RBMS2: variants seen among roughly 807,000 people sequenced by gnomAD.
RBMS2 encodes RNA-binding motif, single-stranded-interacting protein 2.
Under a neutral mutation model 58.4 loss-of-function variants are expected in RBMS2, and 38 were observed. That is an observed-to-expected ratio of 0.65 (90% CI 0.50 to 0.85). The LOEUF is 0.85. Ranked by LOEUF, RBMS2 falls within the 40% of genes least tolerant of loss-of-function variation. The pLI is 0.00. For synonymous variants in RBMS2, 151 were observed against 180.7 expected (o/e 0.84, Z 1.32); for missense variants, 367 against 503.7 (o/e 0.73, Z 2.60).
At chr12:56,569,752 G>C (rs557964687) in intron 3 of RBMS2, 147 bp from the exon 4 acceptor site, 1 of 709,050 alleles carries the variant, frequency 1.4e-6, no homozygotes, top group African/African-American at 1.8e-5. Context: ...GGAGCATGTG[G>C]ATAACTACCT....
At chr12:56,551,565 G>T (rs575120835) in intron 1 of RBMS2, among the ~76,000 whole-genome samples, 1 of 152,260 alleles carries the variant, frequency 6.6e-6, no homozygotes, top group South Asian at 2.1e-4. Context: ...GAAATGACAT[G>T]ATCACATATA....
At chr12:56,568,335 A>G (rs1339506642) in intron 2 of RBMS2, among the ~76,000 whole-genome samples, 2 of 152,194 alleles carry the variant, frequency 1.3e-5, no homozygotes, top group South Asian at 2.1e-4. Context: ...CTCTGCCTCT[A>G]CACACTCTTT....
chr12:56,569,152 T>G, intron 3 of RBMS2, 119 bp downstream of exon 3: 1 of 883,568 alleles, frequency 1.1e-6, no homozygotes, highest in Non-Finnish European at 1.8e-6. Flanking sequence ...CCCTGAAGTT[T>G]TTAGGCTTAA....
Position 56,587,267 on chromosome 12 carries a change from C to CA in RBMS2, c.952-273dup, listed in dbSNP as rs1237199645. ...GGGCAATAAGAGTGAAACTCCGTCT[C>CA]AAAAAAAAAAAAAAGGCCTTTGATG... On this transcript the variant is annotated intron_variant, in intron 10 of 13. Transcript: ENST00000262031. 7.7e-3 allele frequency among the ~76,000 whole-genome samples: 926 copies of CA among 119,996 alleles called. 12 individuals are homozygous for CA. Among genetic ancestry groups the CA allele is most frequent in the African/African-American group, 0.022 (713 of 32,622 alleles). The allele number at this position is 119,996 out of a possible 152,430, so 78.7% of individuals were successfully genotyped here.
upstream of RBMS2, among the ~76,000 whole-genome samples, chr12:56,520,955 T>C (rs1171845953): frequency 6.6e-6 from 1 of 152,220 alleles, no homozygotes; most frequent in African/African-American, 2.4e-5. Flanking sequence ...AGTCTGATAA[T>C]TCCTTCTTAA....
chr12:56,536,644 TG>T (rs1193829855), intron 1 of RBMS2, among the ~76,000 whole-genome samples: 1 of 151,554 alleles, frequency 6.6e-6, no homozygotes, highest in African/African-American at 2.4e-5. Flanking sequence ...CTTGGCTCAC[TG>T]CAACCTCCAC....
At chr12:56,587,780 G>T in intron 11 of RBMS2, 116 bp downstream of exon 11, 1 of 1,373,164 alleles carries the variant, frequency 7.3e-7, no homozygotes. Context: ...TGTCATCCGG[G>T]GCACACTCAG....
At chr12:56,569,227 G>A (rs979252798) in intron 3 of RBMS2, among the ~76,000 whole-genome samples, 194 bp downstream of exon 3, 1 of 152,200 alleles carries the variant, frequency 6.6e-6, no homozygotes, top group Non-Finnish European at 1.5e-5. Context: ...CTGTTTAGGG[G>A]CCCCAAGGCC....
chr12:56,554,463 A>G (rs1451111204), intron 1 of RBMS2, among the ~76,000 whole-genome samples: 1 of 152,196 alleles, frequency 6.6e-6, no homozygotes, highest in Admixed American at 6.6e-5. Flanking sequence ...GGAAGCCATT[A>G]TCCCCAGCTA....
intron 5 of RBMS2, among the ~76,000 whole-genome samples, chr12:56,572,562 A>C (rs1882484284): frequency 6.6e-6 from 1 of 152,090 alleles, no homozygotes. Flanking sequence ...CAGAGTAAAA[A>C]ATTCTGTATA....
intron 1 of RBMS2, among the ~76,000 whole-genome samples, chr12:56,549,334 T>A (rs920182521): frequency 6.6e-6 from 1 of 152,068 alleles, no homozygotes; most frequent in Admixed American, 6.6e-5. Context: ...TTACTTATAC[T>A]AGATTATAAT....
chr12:56,567,506 T>C (rs953692818), intron 2 of RBMS2, among the ~76,000 whole-genome samples: 1 of 152,022 alleles, frequency 6.6e-6, no homozygotes, highest in Non-Finnish European at 1.5e-5. Flanking sequence ...CCCTTTGGCC[T>C]TATCACCAAA....
intron 1 of RBMS2, among the ~76,000 whole-genome samples, chr12:56,561,287 G>A (rs1880341780): frequency 6.6e-6 from 1 of 152,142 alleles, no homozygotes; most frequent in Admixed American, 6.6e-5. Context: ...ACACAGCAAT[G>A]GGATTGCTGG....
At chr12:56,588,111 A>T (rs895505901) in intron 11 of RBMS2, among the ~76,000 whole-genome samples, 183 bp from the exon 12 acceptor site, 4 of 152,272 alleles carry the variant, frequency 2.6e-5, no homozygotes, top group Middle Eastern at 3.4e-3. Context: ...ATATAGGGAG[A>T]CGTCTCCCTA....
intron 2 of RBMS2, among the ~76,000 whole-genome samples, chr12:56,563,849 G>A (rs1444001361): frequency 6.6e-6 from 1 of 152,032 alleles, no homozygotes; most frequent in Non-Finnish European, 1.5e-5. Context: ...TTGCTAGAAA[G>A]GTATGTAAGT....
rs1445768411 is a variant in RBMS2 at position 56,546,467 on chromosome 12, ATG to A, written c.67-15948_67-15947del. Among the ~76,000 whole-genome samples, 9 of 143,242 alleles carry A rather than the reference ATG, an allele frequency of 6.3e-5. No homozygotes were observed. In the East Asian group the frequency reaches 1.8e-3, roughly 29 times the overall value. 94.0% of individuals were successfully genotyped at this position (143,242 alleles called of 152,430 possible). On this transcript the variant is annotated intron_variant, in intron 1 of 13. Coordinates refer to ENST00000262031, the MANE Select transcript of RBMS2 (RefSeq NM_002898.4). ...TGTATAATAAAATAATATAAAATAAATGTATATTATATTTTATATACAAAAAA... is the reference window on the plus strand; with the variant it reads ...TGTATAATAAAATAATATAAAATAAATATATTATATTTTATATACAAAAAA...
intron 5 of RBMS2, 59 bp from the exon 6 acceptor site, chr12:56,581,125 A>G: frequency 5.1e-6 from 7 of 1,372,218 alleles, no homozygotes; most frequent in Admixed American, 1.7e-5. Flanking sequence ...TTCTCTTTCA[A>G]TGTGTGGAGA....
intron 2 of RBMS2, among the ~76,000 whole-genome samples, chr12:56,564,593 C>T (rs576975248): frequency 2.2e-4 from 34 of 152,248 alleles, no homozygotes; most frequent in African/African-American, 4.1e-4. Context: ...CAAACTTATG[C>T]GCTCAATCAT....
intron 6 of RBMS2, 40 bp from the exon 7 acceptor site, chr12:56,581,359 A>G (rs767582411): frequency 1.4e-5 from 22 of 1,601,896 alleles, no homozygotes; most frequent in Non-Finnish European, 1.9e-5. Flanking sequence ...GGGCCACATG[A>G]GGTGGGACTC....
Sources: allele counts gnomAD v4.1 joint callset (sites outside exome capture counted in the v4.1 genomes callset), GRCh38; gene constraint gnomAD v4.1.1; transcripts MANE v1.5; gene names NCBI Gene and HGNC (gene_info 2026-07-23, HGNC 2026-07-21).